The following ARFGAP2 variants were observed in gnomAD, a reference collection of about 807,000 sequenced individuals.
ARFGAP2 encodes ARF GTPase activating protein 2.
In ARFGAP2, 45 loss-of-function variants were observed where a neutral mutation model predicts 71.9. That is an observed-to-expected ratio of 0.63 (90% confidence interval 0.49 to 0.80). ARFGAP2 has a LOEUF of 0.80. Ranked by LOEUF, ARFGAP2 falls within the 30% of genes least tolerant of loss-of-function variation. ARFGAP2 has a pLI of 0.00. For synonymous variants in ARFGAP2, 248 were observed against 249.2 expected (o/e 1.00, Z 0.05); for missense variants, 633 against 673.9 (o/e 0.94, Z 0.67).
chr11:47,165,539 A>C, intron 15 of ARFGAP2, 37 bp from the exon 16 acceptor site: 1 of 1,534,800 alleles, frequency 6.5e-7, no homozygotes, highest in Non-Finnish European at 8.7e-7. Context: ...AAAAAAAGTC[A>C]GAGGCTCTAA....
rs960033314 is a variant in ARFGAP2, at chr11:47,171,347, C to A, written c.941+79G>T. On this transcript the variant is annotated intron_variant, in intron 10 of 15. Coordinates refer to ENST00000524782, the MANE Select transcript of ARFGAP2 (RefSeq NM_032389.6). ...CTTGGAGAAACAATAAGCCTAGCAT[C>A]CCAAACTGCTAGGAAGGCCCCGCAA... The A allele has an allele frequency of 1.9e-6, 3 of 1,576,972 alleles. No individual in the cohort carries two copies. The Admixed American group carries it at 5.4e-5, about 28-fold the overall frequency.
chr11:47,167,182 A>G (rs1482165375), intron 12 of ARFGAP2, among the ~76,000 whole-genome samples: 1 of 152,204 alleles, frequency 6.6e-6, no homozygotes, highest in Non-Finnish European at 1.5e-5. Flanking sequence ...GAGGCCACAC[A>G]ACTGCTGCTA....
In ARFGAP2 at chr11:47,165,520, GAA is replaced by G. The variant is rs377653037; in HGVS notation, c.1546-20_1546-19del. On this transcript the variant is annotated intron_variant, in intron 15 of 15. Transcript: ENST00000524782. ...TAGCGATCCTGGGGGCGAGGGGGGA[GAA>G]AAAAAAAAAAAAAGTCAGAGGCTCT... 25,051 of 1,360,732 alleles carry G rather than the reference GAA, an allele frequency of 0.018. 38 individuals are homozygous for G. Among genetic ancestry groups the G allele is most frequent in the African/African-American group, 0.048 (3,071 of 63,854 alleles). 84.3% of individuals were successfully genotyped at this position (1,360,732 alleles called of 1,614,324 possible). A position where few individuals can be genotyped will look rare whatever the true frequency, so the allele number is the denominator to read the frequency against.
chr11:47,175,185 A>C lies in ARFGAP2; in HGVS notation c.393T>G (p.Thr131=). The change falls in exon 4 of 16, where the codon ACT becomes ACG. Residue 131 remains threonine (T), a synonymous_variant. Coordinates refer to ENST00000524782, the MANE Select transcript of ARFGAP2 (RefSeq NM_032389.6). ...AGCCCCAAGAACAGGCACTTACATC[A>C]GTGCCATGCCTAGCCAGGGCCGCAC... is the stretch of plus-strand genomic sequence containing the variant. ...LGSAALARHG[T]DLWIDNMSSA... 4 of 1,614,156 alleles carry C rather than the reference A, an allele frequency of 2.5e-6. No individual in the cohort carries two copies. Among genetic ancestry groups the C allele is most frequent in the South Asian group, 1.1e-5 (1 of 91,082 alleles).
chr11:47,171,823 G>C, intron 8 of ARFGAP2, 23 bp from the exon 9 acceptor site: 1 of 1,611,526 alleles, frequency 6.2e-7, no homozygotes, highest in South Asian at 1.1e-5. Flanking sequence ...TCATGTAAGG[G>C]GCCTTCCCAA....
intron 2 of ARFGAP2, 64 bp downstream of exon 2, chr11:47,176,452 C>A: frequency 6.7e-7 from 1 of 1,484,622 alleles, no homozygotes; most frequent in Non-Finnish European, 9.4e-7. Context: ...CAGCCACTCT[C>A]CCTTGTTGCC....
chr11:47,170,465 G>A (rs1234014014), intron 10 of ARFGAP2, among the ~76,000 whole-genome samples: 1 of 152,018 alleles, frequency 6.6e-6, no homozygotes, highest in African/African-American at 2.4e-5. Context: ...GGCCAACATG[G>A]TGAAACCCCA....
chr11:47,165,622 G>T, intron 15 of ARFGAP2, 120 bp from the exon 16 acceptor site: 2 of 1,145,322 alleles, frequency 1.7e-6, no homozygotes, highest in Non-Finnish European at 2.4e-6. Flanking sequence ...GCAGGGGCTG[G>T]ACAGCCCGGT....
At chr11:47,167,020 C>T in intron 12 of ARFGAP2, 134 bp from the exon 13 acceptor site, 1 of 1,165,888 alleles carries the variant, frequency 8.6e-7, no homozygotes, top group Non-Finnish European at 1.2e-6. Context: ...GGCTCTGTGG[C>T]TCTGGGCCCC....
chr11:47,167,631 G>A (rs1036810109), intron 12 of ARFGAP2, among the ~76,000 whole-genome samples: 4 of 152,090 alleles, frequency 2.6e-5, no homozygotes, highest in African/African-American at 4.8e-5. Context: ...AACTCAAACC[G>A]AAGCCTGACT....
In ARFGAP2 at chr11:47,176,807, C is replaced by G; in HGVS notation, c.47G>C (p.Arg16Thr). 2 of 1,614,130 alleles carry G rather than the reference C, an allele frequency of 1.2e-6. No individual in the cohort carries two copies. Among genetic ancestry groups the G allele is most frequent in the Non-Finnish European group, 1.7e-6 (2 of 1,180,030 alleles). Residue 16 changes from arginine (R) to threonine (T), a missense_variant, in exon 1 of 16, where the codon AGG becomes ACG. Transcript: ENST00000524782. ...CTTGTTGGTTGGAACTGCGCGAAGC[C>G]TCTTAAAAAGAGTCTGGATTTCGGT... ...NKTEIQTLFKRLRAVPTNKAC... is the reference protein window; with the variant it reads ...NKTEIQTLFKTLRAVPTNKAC...
In ARFGAP2 at chr11:47,171,507, T is replaced by C; in HGVS notation, c.860A>G (p.Lys287Arg). 10 of 1,614,190 alleles carry C rather than the reference T, an allele frequency of 6.2e-6. No homozygotes were observed. The South Asian group carries it at 6.6e-5, about 11-fold the overall frequency. Residue 287 changes from lysine (K) to arginine (R), a missense_variant, in exon 10 of 16, where the codon AAA (lysine) becomes AGA (arginine). Physicochemically the swap from Lys to Arg is conservative, Grantham distance 26. Transcript: ENST00000524782. ...AYQELQIDRK[K>R]EEKKLQNLEG... ...CAGATTCTGTAGCTTCTTTTCCTCT[T>C]TCTTACGATCAATCTGGAGCTCCTG...
At chr11:47,166,730 T>A in intron 13 of ARFGAP2, 30 bp downstream of exon 13, 1 of 1,606,982 alleles carries the variant, frequency 6.2e-7, no homozygotes. Context: ...GCCTGCTGCC[T>A]CGGACCTCAG....
At chr11:47,166,663 C>T in intron 13 of ARFGAP2, 64 bp from the exon 14 acceptor site, 1 of 1,601,688 alleles carries the variant, frequency 6.2e-7, no homozygotes, top group South Asian at 1.1e-5. Context: ...CTCACACAGG[C>T]CAGGCCCTCC....
chr11:47,175,039 A>G lies in ARFGAP2; in HGVS notation c.456T>C (p.Ser152=), dbSNP rs1319558650. The G allele has an allele frequency of 6.2e-7, 1 of 1,614,116 alleles. No individual in the cohort carries two copies. Among genetic ancestry groups the G allele is most frequent in the Non-Finnish European group, 8.5e-7 (1 of 1,180,042 alleles). The change falls in exon 5 of 16, where the codon TCT becomes TCC. Residue 152 remains serine, a synonymous_variant. Coordinates refer to ENST00000524782, the MANE Select transcript of ARFGAP2 (RefSeq NM_032389.6). Reference sequence around the variant, plus strand: ...CTTGAGTGTGTTCTGTGAAGAAATCAGAGTCCTTCTTCTCTGGGGAGTGAT... The same window carrying G: ...CTTGAGTGTGTTCTGTGAAGAAATCGGAGTCCTTCTTCTCTGGGGAGTGAT... The part of the protein sequence containing the change: ...VPNHSPEKKD[S]DFFTEHTQPP...
chr11:47,170,006 T>C (rs1421304368), intron 10 of ARFGAP2, among the ~76,000 whole-genome samples: 5 of 152,106 alleles, frequency 3.3e-5, no homozygotes, highest in Non-Finnish European at 5.9e-5. Context: ...TAAAATGTTA[T>C]GCTCTGGCTG....
rs1312537603 is a variant in ARFGAP2, at chr11:47,176,805, G to C, written c.49C>G (p.Leu17Val). Residue 17 changes from leucine (L) to valine (V), a missense_variant, in exon 1 of 16, where the codon CTT becomes GTT. Leu to Val is a conservative substitution (Grantham distance 32). Transcript: ENST00000524782. ...ACCTTGTTGGTTGGAACTGCGCGAA[G>C]CCTCTTAAAAAGAGTCTGGATTTCG... ...KTEIQTLFKR[L>V]RAVPTNKACF... The C allele has an allele frequency of 6.2e-7, 1 of 1,614,008 alleles. No individual in the cohort carries two copies. The highest frequency in any genetic ancestry group is 8.5e-7 in the Non-Finnish European group (1 of 1,180,034).
At chr11:47,176,387 C>CG (rs1952826005) in intron 2 of ARFGAP2, 129 bp downstream of exon 2, 5 of 906,924 alleles carry the variant, frequency 5.5e-6, no homozygotes, top group Non-Finnish European at 3.5e-6. Flanking sequence ...AGGAGGCTAC[C>CG]GGACCCTCTC....
At position 47,165,324 on chromosome 11, in the gene ARFGAP2, C is replaced by T. The variant is rs992830389; in HGVS notation, c.*158G>A. 2.7e-5 allele frequency: 23 copies of T among 856,004 alleles called. No homozygotes were observed. The highest frequency in any genetic ancestry group is 2.7e-4 in the Middle Eastern group (1 of 3,718). The allele number at this position is 856,004 out of a possible 1,614,324, so 53.0% of individuals were successfully genotyped here. On this transcript the variant is annotated 3_prime_UTR_variant, in exon 16 of 16. Transcript: ENST00000524782. ...ACAAGGGCTGGTACTGACCATTCCC[C>T]TCACAGGAGTGAGCGCCTCAAAGGC...
Sources: allele counts gnomAD v4.1 joint callset (sites outside exome capture counted in the v4.1 genomes callset), GRCh38; gene constraint gnomAD v4.1.1; transcripts MANE v1.5; gene names NCBI Gene and HGNC (gene_info 2026-07-23, HGNC 2026-07-21).